GMDS: variants seen among roughly 807,000 people sequenced by gnomAD.
The protein encoded by GMDS is GDP-mannose 4,6 dehydratase.
GMDS carries 20 observed loss-of-function variants against 49.9 expected under a neutral mutation model. The observed-to-expected ratio is 0.40, with a 90% CI of 0.28 to 0.58. The LOEUF (loss-of-function observed/expected upper bound fraction) is 0.58, where lower values mean the gene tolerates loss of function less well. GMDS is among the 20% of genes least tolerant of loss of function. The pLI, the probability that GMDS is intolerant of heterozygous loss-of-function variation, is 0.42. For missense variants in GMDS, 362 were observed against 481.4 expected, an observed-to-expected ratio of 0.75 and a Z score of 2.32; for synonymous variants, 177 against 178.6, an observed-to-expected ratio of 0.99 and a Z score of 0.07.
chr6:1,741,234 A>G (rs147940892), intron 8 of GMDS, among the ~76,000 whole-genome samples: 33 of 152,316 alleles, frequency 2.2e-4, no homozygotes, highest in African/African-American at 7.5e-4. Flanking sequence ...TACAATAGGT[A>G]TTGTTAACCT....
chr6:2,124,581 GT>G (rs754654591), intron 2 of GMDS, 105 bp downstream of exon 2: 11 of 843,240 alleles, frequency 1.3e-5, no homozygotes, highest in Non-Finnish European at 1.8e-5. Flanking sequence ...TGTTATCTGC[GT>G]TTCAGTGGAA....
rs1581565430 is a variant in GMDS, at chr6:2,045,033, C to T, written c.345+70738G>A. ...TTATAAAATGATGAAGAAAAAGAGCCTTTCAGAACTTTGTTTTCACAATTG... is the reference window on the plus strand; with the variant it reads ...TTATAAAATGATGAAGAAAAAGAGCTTTTCAGAACTTTGTTTTCACAATTG... On this transcript the variant is annotated intron_variant, in intron 4 of 10. Transcript: ENST00000380815. Among the ~76,000 whole-genome samples, 4 of 152,020 alleles carry T rather than the reference C, an allele frequency of 2.6e-5. No individual in the cohort carries two copies. The East Asian group carries it at 5.8e-4, about 22-fold the overall frequency.
intron 7 of GMDS, among the ~76,000 whole-genome samples, chr6:1,915,698 G>A (rs898489692): frequency 6.6e-6 from 1 of 152,240 alleles, no homozygotes; most frequent in Admixed American, 6.5e-5. Flanking sequence ...GAACGCGCCT[G>A]ATCTGGGCCA....
At chr6:1,939,856 A>G (rs75422902) in intron 6 of GMDS, among the ~76,000 whole-genome samples, 3,900 of 152,300 alleles carry the variant, frequency 0.026, 161 homozygotes, top group East Asian at 0.18. Flanking sequence ...TTCAATAGAG[A>G]TTTATTTTTA....
chr6:1,684,664 G>C (rs1282360663), intron 9 of GMDS, among the ~76,000 whole-genome samples: 1 of 152,182 alleles, frequency 6.6e-6, no homozygotes, highest in African/African-American at 2.4e-5. Context: ...GGTGTTGGGG[G>C]CAGGACTGAC....
chr6:1,684,250 G>A (rs999735570), intron 9 of GMDS, among the ~76,000 whole-genome samples: 16 of 152,132 alleles, frequency 1.1e-4, no homozygotes, highest in African/African-American at 3.6e-4. Context: ...GAAGTCTCCC[G>A]TGTTGCTGGT....
chr6:1,813,075 A>C (rs1169880423), intron 7 of GMDS, among the ~76,000 whole-genome samples: 2 of 151,890 alleles, frequency 1.3e-5, no homozygotes, highest in African/African-American at 4.8e-5. Flanking sequence ...TTTTTTAATT[A>C]GCTGGGTCTG....
chr6:1,695,757 A>G (rs969461758), intron 9 of GMDS, among the ~76,000 whole-genome samples: 2 of 152,136 alleles, frequency 1.3e-5, no homozygotes, highest in Non-Finnish European at 2.9e-5. Flanking sequence ...GCCTCTTCAG[A>G]GTCCCACGTG....
intron 9 of GMDS, among the ~76,000 whole-genome samples, chr6:1,666,502 G>A (rs564166367): frequency 6.6e-6 from 1 of 152,266 alleles, no homozygotes; most frequent in South Asian, 2.1e-4. Flanking sequence ...TATATTAAAA[G>A]TTCTTGCAAA....
At chr6:2,038,697 G>T (rs1377206160) in intron 4 of GMDS, among the ~76,000 whole-genome samples, 1 of 144,758 alleles carries the variant, frequency 6.9e-6, no homozygotes, top group African/African-American at 2.4e-5. Flanking sequence ...ATCAGTGACT[G>T]CTGAGTAACA....
At chr6:2,215,535 G>A (rs1223972554) in intron 1 of GMDS, among the ~76,000 whole-genome samples, 3 of 94,266 alleles carry the variant, frequency 3.2e-5, no homozygotes, top group African/African-American at 2.6e-4. Context: ...CCCACAACAC[G>A]TGGGAGTAAT....
At chr6:2,086,530 G>T (rs1174021218) in intron 4 of GMDS, among the ~76,000 whole-genome samples, 1 of 152,228 alleles carries the variant, frequency 6.6e-6, no homozygotes, top group Non-Finnish European at 1.5e-5. Context: ...GCATGCTGCT[G>T]CTCCTCCCCA....
chr6:2,169,671 G>A lies in GMDS; in HGVS notation c.103-44940C>T, dbSNP rs543783157. Among the ~76,000 whole-genome samples, 3 of 151,378 alleles carry A rather than the reference G, an allele frequency of 2.0e-5. No homozygotes were observed. In the South Asian group the frequency reaches 6.3e-4, roughly 32 times the overall value. On this transcript the variant is annotated intron_variant, in intron 1 of 10. Transcript: ENST00000380815. ...AGGCAATATAATTTTAAGTTTTCTGGGAAAACAGAGGCCATCAGAAGAATA... is the reference window on the plus strand; with the variant it reads ...AGGCAATATAATTTTAAGTTTTCTGAGAAAACAGAGGCCATCAGAAGAATA...
At chr6:2,174,449 CA>C (rs1778170419) in intron 1 of GMDS, among the ~76,000 whole-genome samples, 1 of 152,038 alleles carries the variant, frequency 6.6e-6, no homozygotes, top group Non-Finnish European at 1.5e-5. Flanking sequence ...GGATAAAGAC[CA>C]TGCTAAATTT....
rs540083199 is a variant in GMDS at position 2,055,456 on chromosome 6, T to C, written c.345+60315A>G. ...AATCGTTGGCTGGTCCACTATTTAC[T>C]ATATGACATTCACAGTCTTCCTACT... On this transcript the variant is annotated intron_variant, in intron 4 of 10. Transcript: ENST00000380815. Among the ~76,000 whole-genome samples, 5 of 152,264 alleles carry C rather than the reference T, an allele frequency of 3.3e-5. No individual in the cohort carries two copies. The South Asian group carries it at 8.3e-4, about 25-fold the overall frequency.
At chr6:1,702,652 G>T (rs1581479623) in intron 9 of GMDS, among the ~76,000 whole-genome samples, 1 of 152,276 alleles carries the variant, frequency 6.6e-6, no homozygotes, top group Non-Finnish European at 1.5e-5. Flanking sequence ...GTTGATAAGG[G>T]TGGTGGCCAC....
intron 1 of GMDS, among the ~76,000 whole-genome samples, chr6:2,139,824 A>T (rs1776195942): frequency 6.6e-6 from 1 of 152,202 alleles, no homozygotes. Context: ...AAATATATAT[A>T]TAAACCAAAC....
intron 6 of GMDS, among the ~76,000 whole-genome samples, chr6:1,945,700 A>C (rs1763047848): frequency 6.6e-6 from 1 of 152,164 alleles, no homozygotes; most frequent in South Asian, 2.1e-4. Flanking sequence ...GCTTAAGCCT[A>C]GGAGTTAGAT....
At chr6:2,133,537 T>A (rs1775848721) in intron 1 of GMDS, among the ~76,000 whole-genome samples, 1 of 152,220 alleles carries the variant, frequency 6.6e-6, no homozygotes, top group African/African-American at 2.4e-5. Flanking sequence ...ATTAATCCAG[T>A]TAAGACCGTT....
Sources: allele counts gnomAD v4.1 joint callset (sites outside exome capture counted in the v4.1 genomes callset), GRCh38; gene constraint gnomAD v4.1.1; transcripts MANE v1.5; gene names NCBI Gene and HGNC (gene_info 2026-07-23, HGNC 2026-07-21).